The following RETSAT variants were observed in gnomAD, a reference collection of about 807,000 sequenced individuals.
RETSAT encodes retinol saturase, also known as all-trans-retinol 13,14-reductase.
RETSAT carries 35 observed loss-of-function variants against 61.6 expected under a neutral mutation model. The ratio of observed to expected loss-of-function variants is 0.57; its 90% CI spans 0.43 to 0.75. The LOEUF is 0.75. RETSAT is among the 30% of genes least tolerant of loss of function. RETSAT has a pLI of 0.00. For synonymous variants in RETSAT, 277 were observed against 310.4 expected (o/e 0.89, Z 1.13); for missense variants, 670 against 759.5 (o/e 0.88, Z 1.38).
At chr2:85,349,695 T>C (rs1683266876) in intron 4 of RETSAT, 114 bp from the exon 5 acceptor site, 2 of 930,394 alleles carry the variant, frequency 2.1e-6, no homozygotes, top group Non-Finnish European at 3.4e-6. Flanking sequence ...AGGAACCACA[T>C]GTTCCTCAGG....
intron 1 of RETSAT, among the ~76,000 whole-genome samples, chr2:85,354,128 A>G (rs542129779): frequency 1.2e-4 from 19 of 152,370 alleles, no homozygotes; most frequent in Admixed American, 3.3e-4. Context: ...CCTTGGGACT[A>G]CTATTCCCGG....
At chr2:85,348,219 C>G (rs924621292) in intron 5 of RETSAT, among the ~76,000 whole-genome samples, 2 of 152,146 alleles carry the variant, frequency 1.3e-5, no homozygotes, top group Admixed American at 1.3e-4. Context: ...GGCCTCCATA[C>G]TATCCTGTGG....
In RETSAT at chr2:85,344,687, G is replaced by T. The variant is rs1683158354; in HGVS notation, c.1163C>A (p.Thr388Asn). ...LGTVRPGLGM[T>N]SVFICLRGTK... is the part of the protein sequence containing the mutation. ...GCCTCGCAGGCAGATGAAAACAGAG[G>T]TCATGCCTAAGCCGGGCCGCACCGT... is the stretch of plus-strand genomic sequence containing the variant. The change falls in exon 7 of 11, where the codon ACC becomes AAC. Residue 388 changes from threonine to asparagine, a missense_variant. Coordinates refer to ENST00000295802, the MANE Select transcript of RETSAT (RefSeq NM_017750.4). The T allele has an allele frequency of 6.8e-6, 11 of 1,614,140 alleles. No homozygotes were observed. Among genetic ancestry groups the T allele is most frequent in the Non-Finnish European group, 9.3e-6 (11 of 1,180,028 alleles).
intron 6 of RETSAT, among the ~76,000 whole-genome samples, chr2:85,345,352 A>G (rs1395416454): frequency 6.6e-6 from 1 of 152,084 alleles, no homozygotes; most frequent in African/African-American, 2.4e-5. Flanking sequence ...CCGGCTCCTC[A>G]GGGAGCAGCT....
intron 5 of RETSAT, among the ~76,000 whole-genome samples, chr2:85,348,747 T>C (rs1683246632): frequency 6.6e-6 from 1 of 151,886 alleles, no homozygotes; most frequent in Admixed American, 6.6e-5. Flanking sequence ...TATTTTTCTT[T>C]TCTTTTCCTT....
In RETSAT at chr2:85,343,921, C is replaced by T. The variant is rs192791323; in HGVS notation, c.1533+78G>A. On this transcript the variant is annotated intron_variant, in intron 9 of 10. Coordinates refer to ENST00000295802, the MANE Select transcript of RETSAT (RefSeq NM_017750.4). ...CTTCCCTGGGGCTCATGTCTTGGGGCCTGATTCCCCTGTCTCAAGGAAAGG... is the reference window on the plus strand; with the variant it reads ...CTTCCCTGGGGCTCATGTCTTGGGGTCTGATTCCCCTGTCTCAAGGAAAGG... 310 of 1,587,902 alleles carry T rather than the reference C, an allele frequency of 2.0e-4. 1 individual carries two copies. In the African/African-American group the frequency reaches 3.5e-3, roughly 18 times the overall value.
chr2:85,352,737 G>A (rs185587753), intron 1 of RETSAT, among the ~76,000 whole-genome samples: 5 of 152,280 alleles, frequency 3.3e-5, no homozygotes, highest in African/African-American at 1.2e-4. Context: ...GGAATAGCTG[G>A]GTCTTATGGT....
Position 85,344,264 on chromosome 2 carries a change from A to G in RETSAT, c.1341T>C (p.Asp447=), listed in dbSNP as rs369425597. The G allele has an allele frequency of 1.9e-6, 3 of 1,613,930 alleles. No homozygotes were observed. The African/African-American group carries it at 4.0e-5, about 22-fold the overall frequency. The change falls in exon 8 of 11, where the codon GAT becomes GAC. Residue 447 remains aspartate (D), a synonymous_variant. Coordinates refer to ENST00000295802, the MANE Select transcript of RETSAT (RefSeq NM_017750.4). Reference sequence around the variant, plus strand: ...CTGGGAATCGGTCCTCCCAGGTCGGATCTTTGGCTGATGGGAAAGCGAAGA... The same window carrying G: ...CTGGGAATCGGTCCTCCCAGGTCGGGTCTTTGGCTGATGGGAAAGCGAAGA... ...LLFFAFPSAK[D]PTWEDRFPGR...
In RETSAT at chr2:85,349,530, T is replaced by C. The variant is rs201718270; in HGVS notation, c.851A>G (p.His284Arg). 507 of 1,614,120 alleles carry C rather than the reference T, an allele frequency of 3.1e-4. 7 individuals carry two copies. In the East Asian group the frequency reaches 9.3e-3, roughly 30 times the overall value. ...AFSMHALLVN[H>R]YMKGGFYPRG... ...GGGATAAAAGCCTCCTTTCATGTAG[T>C]GGTTGACCAGCAGGGCGTGCATGGA... The change falls in exon 5 of 11, where the codon CAC (histidine) becomes CGC (arginine). Residue 284 changes from histidine to arginine, a missense_variant. His to Arg is a conservative substitution (Grantham distance 29). Coordinates refer to ENST00000295802, the MANE Select transcript of RETSAT (RefSeq NM_017750.4).
chr2:85,345,968 CT>C lies in RETSAT; in HGVS notation c.1117+6del, dbSNP rs751613807. The C allele has an allele frequency of 6.2e-7, 1 of 1,614,176 alleles. No individual in the cohort carries two copies. The highest frequency in any genetic ancestry group is 1.1e-5 in the South Asian group (1 of 91,088). ...TGCAAGAGGGGCAGTGCAGACCCGC[CT>C]TTTACCTGGCAGGCAGCGGGCGTTC... is the stretch of plus-strand genomic sequence containing the variant. On this transcript the variant is annotated splice_donor_region_variant and intron_variant, in intron 6 of 10. Coordinates refer to ENST00000295802, the MANE Select transcript of RETSAT (RefSeq NM_017750.4).
intron 1 of RETSAT, 81 bp downstream of exon 1, chr2:85,354,255 C>T: frequency 1.3e-6 from 2 of 1,499,894 alleles, no homozygotes; most frequent in East Asian, 2.3e-5. Context: ...CGTCTGGTAG[C>T]GGCTGCCTTG....
intron 5 of RETSAT, among the ~76,000 whole-genome samples, 199 bp downstream of exon 5, chr2:85,349,185 C>A (rs555391194): frequency 6.6e-6 from 1 of 152,108 alleles, no homozygotes; most frequent in South Asian, 2.1e-4. Flanking sequence ...CCACTATGCC[C>A]GGCCAATCCT....
Position 85,343,270 on chromosome 2 carries a change from C to T in RETSAT, c.1805G>A (p.Arg602Lys). Residue 602 changes from arginine to lysine, a missense_variant, in exon 11 of 11, where the codon AGG becomes AAG. Arg to Lys is a conservative substitution (Grantham distance 26). Coordinates refer to ENST00000295802, the MANE Select transcript of RETSAT (RefSeq NM_017750.4). ...ATTCTTTTTCTTCTGTGCCCGGATC[C>T]TAGAATCAAGATTCTTAAGGTCTGA... The part of the protein sequence containing the change: ...LYSDLKNLDS[R>K]IRAQKKKN The T allele has an allele frequency of 1.2e-6, 2 of 1,614,286 alleles. No homozygotes were observed. The highest frequency in any genetic ancestry group is 8.5e-7 in the Non-Finnish European group (1 of 1,180,044).
rs1290571192 is a variant in RETSAT, at chr2:85,343,696, G to A, written c.1636C>T (p.Pro546Ser). 4 of 1,614,024 alleles carry A rather than the reference G, an allele frequency of 2.5e-6. No homozygotes were observed. Among genetic ancestry groups the A allele is most frequent in the Non-Finnish European group, 3.4e-6 (4 of 1,179,972 alleles). The change falls in exon 10 of 11, where the codon CCT (proline) becomes TCT (serine). Residue 546 changes from proline to serine, a missense_variant. By Grantham distance (74) the Pro-to-Ser change is moderately conservative (BLOSUM62 -1). Transcript: ENST00000295802. ...GCCCTCAAGGAGGCCATCACACAAG[G>A]GTGCAGGCGGCCCAGGTCATGGTCA... ...GADHDLGRLH[P>S]CVMASLRAQS...
At chr2:85,353,231 G>A (rs925669769) in intron 1 of RETSAT, among the ~76,000 whole-genome samples, 5 of 152,198 alleles carry the variant, frequency 3.3e-5, no homozygotes, top group African/African-American at 1.2e-4. Context: ...CGAGGTGGGC[G>A]GATCGCTTGA....
chr2:85,350,152 A>G lies in RETSAT; in HGVS notation c.687T>C (p.Thr229=). 6.2e-7 allele frequency: 1 copy of G among 1,613,998 alleles called. No individual in the cohort carries two copies. Among genetic ancestry groups the G allele is most frequent in the Non-Finnish European group, 8.5e-7 (1 of 1,180,020 alleles). ...ATGCTTGAAGGAATGGAGAGAAACG[A>G]GTCAGCAGCCCACACCTGTCGAGGA... ...VQLLDRCGLL[T]RFSPFLQAST... Residue 229 remains threonine (T), a synonymous_variant, in exon 4 of 11, where the codon ACT becomes ACC. Transcript: ENST00000295802.
At position 85,342,541 on chromosome 2, in the gene RETSAT, C is replaced by T. The variant is rs566100446; in HGVS notation, c.*701G>A. 5 of 152,526 alleles carry T rather than the reference C, an allele frequency of 3.3e-5. No individual in the cohort carries two copies. In the East Asian group the frequency reaches 9.6e-4, roughly 29 times the overall value. 9.4% of individuals were successfully genotyped at this position (152,526 alleles called of 1,614,324 possible). A position where few individuals can be genotyped will look rare whatever the true frequency, so the allele number is the denominator to read the frequency against. On this transcript the variant is annotated 3_prime_UTR_variant, in exon 11 of 11. Coordinates refer to ENST00000295802, the MANE Select transcript of RETSAT (RefSeq NM_017750.4). The stretch of plus-strand genomic sequence containing the variant: ...TGGCACATTGAGAACCAGCTGCCAC[C>T]CCGATGATAAGGAAGACAGACCCGG...
intron 1 of RETSAT, among the ~76,000 whole-genome samples, chr2:85,353,490 A>T (rs997374829): frequency 6.6e-6 from 1 of 152,248 alleles, no homozygotes; most frequent in Non-Finnish European, 1.5e-5. Context: ...ATAGCCCACT[A>T]ATAGATCACA....
intron 5 of RETSAT, 98 bp downstream of exon 5, chr2:85,349,286 A>C: frequency 9.9e-6 from 11 of 1,106,002 alleles, no homozygotes; most frequent in Non-Finnish European, 1.4e-5. Context: ...CTCCATGAGG[A>C]GGTCAGTTCT....
Sources: gnomAD v4.1 joint callset for allele counts (sites outside exome capture counted in the v4.1 genomes callset) on GRCh38, gnomAD v4.1.1 for gene constraint, MANE v1.5 for transcripts, NCBI Gene and HGNC (gene_info 2026-07-23, HGNC 2026-07-21) for gene names.